NCOA3: variants seen among roughly 807,000 people sequenced by gnomAD.
NCOA3 encodes the protein CBP-interacting protein.
In NCOA3, 51 loss-of-function variants were observed where a neutral mutation model predicts 158.8. The ratio of observed to expected loss-of-function variants is 0.32; its 90% CI spans 0.26 to 0.41. NCOA3 has a LOEUF of 0.41. NCOA3 is among the 10% of genes least tolerant of loss of function. The probability of loss-of-function intolerance (pLI) is 1.00; values close to 1 mark genes in which losing one functional copy is unlikely to be tolerated. For synonymous variants in NCOA3, 537 were observed against 592.4 expected (o/e 0.91, Z 1.36); for missense variants, 1,510 against 1,746.6 (o/e 0.86, Z 2.41).
intron 1 of NCOA3, among the ~76,000 whole-genome samples, chr20:47,535,291 G>T (rs924049482): frequency 2.0e-5 from 3 of 152,188 alleles, no homozygotes; most frequent in Non-Finnish European, 4.4e-5. Context: ...CTCCATAGCA[G>T]CATCTAGGGT....
chr20:47,652,447 A>C lies in NCOA3; in HGVS notation c.3988A>C (p.Ser1330Arg), dbSNP rs776947075. Residue 1330 changes from serine (S) to arginine (R), a missense_variant, in exon 21 of 23, where the codon AGT (serine) becomes CGT (arginine). Coordinates refer to ENST00000371998, the MANE Select transcript of NCOA3 (RefSeq NM_181659.3). ...AGATCCAGCCTTTGGTCGAGTGTCT[A>C]GTCCTCCCAATGCAATGATGTCGTC... The part of the protein sequence containing the change: ...QPDPAFGRVS[S>R]PPNAMMSSRM... 5.0e-6 allele frequency: 8 copies of C among 1,613,502 alleles called. No homozygotes were observed. In the Admixed American group the frequency reaches 1.2e-4, roughly 24 times the overall value.
Position 47,636,155 on chromosome 20 carries a change from GAGATCACCTC to G in NCOA3, c.1772_1781del (p.Asp591ValfsTer44). 1 of 1,614,194 alleles carries G rather than the reference GAGATCACCTC, an allele frequency of 6.2e-7. No homozygotes were observed. The highest frequency in any genetic ancestry group is 8.5e-7 in the Non-Finnish European group (1 of 1,180,038). The stretch of plus-strand genomic sequence containing the variant: ...AGTTCAATGTGTCAGTCAAATAGCA[GAGATCACCTC>G]AGTGACAAAGAAAGTAAGGAGAGCA... On this transcript the variant is annotated frameshift_variant, in exon 12 of 23. Coordinates refer to ENST00000371998, the MANE Select transcript of NCOA3 (RefSeq NM_181659.3). LOFTEE classifies it high-confidence loss of function.
At chr20:47,530,541 C>T (rs1000234296) in intron 1 of NCOA3, among the ~76,000 whole-genome samples, 1 of 148,464 alleles carries the variant, frequency 6.7e-6, no homozygotes, top group African/African-American at 2.5e-5. Context: ...TGGCTCATTG[C>T]AACCTCCGCC....
At chr20:47,600,971 T>C (rs970446098) in intron 2 of NCOA3, among the ~76,000 whole-genome samples, 1 of 152,180 alleles carries the variant, frequency 6.6e-6, no homozygotes, top group African/African-American at 2.4e-5. Context: ...ATAATTGTAT[T>C]TTATTATTAA....
intron 17 of NCOA3, among the ~76,000 whole-genome samples, chr20:47,643,140 C>A (rs1359072838): frequency 6.6e-6 from 1 of 152,254 alleles, no homozygotes; most frequent in Non-Finnish European, 1.5e-5. Context: ...TCTCAAACTT[C>A]TGACCTCAAG....
intron 1 of NCOA3, among the ~76,000 whole-genome samples, chr20:47,567,309 G>A (rs1193598401): frequency 6.6e-6 from 1 of 151,984 alleles, no homozygotes; most frequent in Non-Finnish European, 1.5e-5. Flanking sequence ...GCCTCCCAAA[G>A]TGCTAGGATT....
chr20:47,593,410 C>T (rs1174436676), intron 2 of NCOA3, among the ~76,000 whole-genome samples: 4 of 134,306 alleles, frequency 3.0e-5, no homozygotes, highest in Admixed American at 8.6e-5. Flanking sequence ...TGGTGCGTCG[C>T]GGCTCACTGC....
At chr20:47,524,812 G>A (rs554681321) in intron 1 of NCOA3, among the ~76,000 whole-genome samples, 2 of 152,216 alleles carry the variant, frequency 1.3e-5, no homozygotes, top group Admixed American at 6.5e-5. Flanking sequence ...GCACAATCTC[G>A]GCTCCCTGCA....
intron 13 of NCOA3, 132 bp downstream of exon 13, chr20:47,637,915 T>C (rs1602525542): frequency 1.3e-6 from 1 of 784,416 alleles, no homozygotes; most frequent in East Asian, 3.0e-5. Context: ...GCCTCTGTTT[T>C]CTATACTAAT....
At chr20:47,644,154 T>C (rs1380361757) in intron 17 of NCOA3, among the ~76,000 whole-genome samples, 2 of 152,054 alleles carry the variant, frequency 1.3e-5, no homozygotes, top group Non-Finnish European at 2.9e-5. Context: ...ATTTTTTTTT[T>C]TTTGAGACGG....
Position 47,636,123 on chromosome 20 carries a change from A to C in NCOA3, c.1737A>C (p.Pro579=), listed in dbSNP as rs781393968. 6.2e-7 allele frequency: 1 copy of C among 1,614,234 alleles called. No individual in the cohort carries two copies. ...SPLGFYCDQN[P]VESSMCQSNS... Reference sequence around the variant, plus strand: ...TGGGCTTTTATTGCGACCAAAATCCAGTGGAGAGTTCAATGTGTCAGTCAA... The same window carrying C: ...TGGGCTTTTATTGCGACCAAAATCCCGTGGAGAGTTCAATGTGTCAGTCAA... Residue 579 remains proline, a synonymous_variant, in exon 12 of 23, where the codon CCA becomes CCC. Coordinates refer to ENST00000371998, the MANE Select transcript of NCOA3 (RefSeq NM_181659.3).
At chr20:47,550,134 A>ATT (rs3092339) in intron 1 of NCOA3, among the ~76,000 whole-genome samples, 170 of 144,566 alleles carry the variant, frequency 1.2e-3, no homozygotes, top group East Asian at 4.8e-3. Context: ...TTGTATTTCA[A>ATT]TTTTTTTTTT....
At chr20:47,613,650 C>T (rs2086079590) in intron 2 of NCOA3, among the ~76,000 whole-genome samples, 2 of 152,134 alleles carry the variant, frequency 1.3e-5, no homozygotes, top group African/African-American at 2.4e-5. Context: ...CGGCGGCTCA[C>T]GCCTGTAATC....
intron 1 of NCOA3, among the ~76,000 whole-genome samples, chr20:47,539,084 C>T (rs2084681705): frequency 6.6e-6 from 1 of 152,132 alleles, no homozygotes; most frequent in African/African-American, 2.4e-5. Flanking sequence ...TCTTGGGTTG[C>T]TTAGCTTTTT....
intron 2 of NCOA3, among the ~76,000 whole-genome samples, chr20:47,592,335 A>G (rs2085658022): frequency 6.6e-6 from 1 of 152,178 alleles, no homozygotes; most frequent in African/African-American, 2.4e-5. Context: ...GTGAGCCACC[A>G]GGCCCAGCCG....
chr20:47,632,216 T>G (rs1025429554), intron 8 of NCOA3, among the ~76,000 whole-genome samples: 4 of 152,176 alleles, frequency 2.6e-5, no homozygotes, highest in Non-Finnish European at 5.9e-5. Context: ...TGGTTTCTTA[T>G]GAAGGGTACA....
At chr20:47,629,252 A>T (rs894552874) in intron 8 of NCOA3, among the ~76,000 whole-genome samples, 4 of 152,192 alleles carry the variant, frequency 2.6e-5, no homozygotes, top group Middle Eastern at 6.8e-3. Flanking sequence ...GATTTTTGAG[A>T]TTAATTTTCA....
intron 10 of NCOA3, among the ~76,000 whole-genome samples, chr20:47,634,486 T>C (rs2086476660): frequency 6.6e-6 from 1 of 152,228 alleles, no homozygotes; most frequent in African/African-American, 2.4e-5. Flanking sequence ...TTTCTGATAA[T>C]GTGTGTTGCT....
chr20:47,559,089 A>T (rs1006510167), intron 1 of NCOA3, among the ~76,000 whole-genome samples: 1 of 151,226 alleles, frequency 6.6e-6, no homozygotes, highest in African/African-American at 2.4e-5. Flanking sequence ...CACTATGTGT[A>T]ATGAGCCTTA....
Sources: allele counts gnomAD v4.1 joint callset (sites outside exome capture counted in the v4.1 genomes callset), GRCh38; gene constraint gnomAD v4.1.1; transcripts MANE v1.5; gene names NCBI Gene and HGNC (gene_info 2026-07-23, HGNC 2026-07-21).